KLF8: variants seen among roughly 807,000 people sequenced by gnomAD.
KLF8 encodes Krueppel-like factor 8.
In KLF8, 10 loss-of-function variants were observed where a neutral mutation model predicts 18.2. That is an observed-to-expected ratio of 0.55 (90% confidence interval 0.34 to 0.93). KLF8 has a LOEUF of 0.93. Among genes scored for constraint, KLF8 ranks in the 40% least tolerant of loss-of-function variants. The pLI is 0.02. For missense variants in KLF8, 264 were observed against 277.9 expected (o/e 0.95, Z 0.36); for synonymous variants, 109 against 97.3 (o/e 1.12, Z -0.71).
the KLF8 span, among the ~76,000 whole-genome samples, chrX:56,052,738 C>T: frequency 3.8e-4 from 43 of 112,028 alleles, no homozygotes; most frequent in Non-Finnish European, 6.4e-4. Context: ...TGTGCCCTGC[C>T]CCCAGAGGTG....
At chrX:56,179,697 T>A in the KLF8 span, among the ~76,000 whole-genome samples, 2 of 112,025 alleles carry the variant, frequency 1.8e-5, no homozygotes, top group African/African-American at 6.5e-5. Context: ...GTTTTTAGCA[T>A]GAAGGGTTGT....
chrX:55,921,322 C>T, the KLF8 span, among the ~76,000 whole-genome samples: 4 of 111,527 alleles, frequency 3.6e-5, no homozygotes, highest in Non-Finnish European at 7.5e-5. Flanking sequence ...CTTGTTTTTG[C>T]CAGGTTTGTC....
the KLF8 span, among the ~76,000 whole-genome samples, chrX:56,013,880 A>G: frequency 3.5e-4 from 39 of 111,363 alleles, no homozygotes; most frequent in African/African-American, 1.3e-3. Flanking sequence ...ATGAGAACAG[A>G]CTAATACTAT....
the KLF8 span, among the ~76,000 whole-genome samples, chrX:55,951,938 G>A: frequency 9.0e-6 from 1 of 111,545 alleles, no homozygotes; most frequent in Non-Finnish European, 1.9e-5. Flanking sequence ...TGAAAATCAC[G>A]GCTTCAGAGT....
the KLF8 span, among the ~76,000 whole-genome samples, chrX:56,112,090 C>T: frequency 8.9e-6 from 1 of 111,788 alleles, no homozygotes; most frequent in Non-Finnish European, 1.9e-5. Flanking sequence ...CCCAAATGCC[C>T]ATCAATGATA....
chrX:56,051,586 G>A, the KLF8 span, among the ~76,000 whole-genome samples: 1 of 111,050 alleles, frequency 9.0e-6, no homozygotes, highest in African/African-American at 3.3e-5. Context: ...TAAGAATGTT[G>A]AATATTGGCC....
At chrX:55,939,674 TA>T in the KLF8 span, among the ~76,000 whole-genome samples, 1 of 110,189 alleles carries the variant, frequency 9.1e-6, no homozygotes, top group East Asian at 2.8e-4. Flanking sequence ...ATAGACACAA[TA>T]AAAAATGATA....
chrX:56,116,050 A>T, the KLF8 span, among the ~76,000 whole-genome samples: 3 of 112,846 alleles, frequency 2.7e-5, no homozygotes. Flanking sequence ...ATAGAACAGC[A>T]TTTCTTCCCT....
At chrX:56,034,595 T>A in the KLF8 span, among the ~76,000 whole-genome samples, 4 of 110,937 alleles carry the variant, frequency 3.6e-5, no homozygotes, top group African/African-American at 1.3e-4. Context: ...AGTGATAAGA[T>A]CAGGGTAACT....
At position 56,287,655 on chromosome X, in the gene KLF8, A is replaced by T. The variant is rs2067282573; in HGVS notation, c.*3161A>T. The T allele has an allele frequency of 8.9e-6, 1 of 111,773 alleles. No homozygotes were observed. The highest frequency in any genetic ancestry group is 9.5e-5 in the Admixed American group (1 of 10,517). The allele number at this position is 111,773 out of a possible 1,213,427, so 9.2% of individuals were successfully genotyped here. A position where few individuals can be genotyped will look rare whatever the true frequency, so the allele number is the denominator to read the frequency against. ...CTATGAGTGTGAAGAGTATGAACTG[A>T]TTGGGTAGATTAGGCAGAGTGCATT... On this transcript the variant is annotated 3_prime_UTR_variant, in exon 6 of 6. Transcript: ENST00000468660.
chrX:56,045,288 T>TGGTAAAAAAA, the KLF8 span, among the ~76,000 whole-genome samples: 1 of 112,348 alleles, frequency 8.9e-6, no homozygotes, highest in East Asian at 2.8e-4. Flanking sequence ...CATGCTGTTT[T>TGGTAAAAAAA]GGTGACTAGG....
At chrX:55,948,079 G>A in the KLF8 span, among the ~76,000 whole-genome samples, 3 of 112,065 alleles carry the variant, frequency 2.7e-5, no homozygotes, top group African/African-American at 9.7e-5. Flanking sequence ...TCATATGCCA[G>A]CAAATAAGAT....
chrX:56,144,788 G>GTT, the KLF8 span, among the ~76,000 whole-genome samples: 1 of 97,099 alleles, frequency 1.0e-5, no homozygotes, highest in Non-Finnish European at 2.0e-5. Context: ...AAAGAAGTTG[G>GTT]TGTTTGTTTG....
At chrX:55,967,373 G>T in the KLF8 span, among the ~76,000 whole-genome samples, 164 of 109,726 alleles carry the variant, frequency 1.5e-3, no homozygotes, top group Non-Finnish European at 2.2e-3. Context: ...CAAGAGAAAA[G>T]AAACAAATAA....
At chrX:56,005,386 G>C in the KLF8 span, among the ~76,000 whole-genome samples, 1 of 112,113 alleles carries the variant, frequency 8.9e-6, no homozygotes, top group Admixed American at 9.4e-5. Flanking sequence ...CATTGCATTA[G>C]CTGGGGTGGC....
intron 4 of KLF8, 27 bp from the exon 5 acceptor site, chrX:56,270,155 T>C: frequency 8.5e-7 from 1 of 1,178,617 alleles, no homozygotes; most frequent in Non-Finnish European, 1.1e-6. Flanking sequence ...AGTCACTGTT[T>C]GGCTTTATCT....
At chrX:56,273,298 A>G (rs1333336654) in intron 5 of KLF8, among the ~76,000 whole-genome samples, 1 of 111,540 alleles carries the variant, frequency 9.0e-6, no homozygotes, top group African/African-American at 3.3e-5. Flanking sequence ...CCCCTCAAGC[A>G]TGGGGCATCC....
intron 5 of KLF8, among the ~76,000 whole-genome samples, chrX:56,271,303 A>C (rs2067055267): frequency 9.0e-6 from 1 of 111,579 alleles, no homozygotes; most frequent in African/African-American, 3.3e-5. Context: ...AAAAAAAAAA[A>C]ATCCAGATTA....
At chrX:56,238,287 C>A (rs1602408370) in intron 1 of KLF8, among the ~76,000 whole-genome samples, 2 of 111,528 alleles carry the variant, frequency 1.8e-5, no homozygotes, top group East Asian at 5.6e-4. Flanking sequence ...ACCAGCTTGA[C>A]CAACATGGTA....
Sources: gnomAD v4.1 joint callset for allele counts (sites outside exome capture counted in the v4.1 genomes callset) on GRCh38, gnomAD v4.1.1 for gene constraint, MANE v1.5 for transcripts, NCBI Gene and HGNC (gene_info 2026-07-23, HGNC 2026-07-21) for gene names.